The following SUPT6H variants were observed in gnomAD, a reference collection of about 807,000 sequenced individuals.
SUPT6H encodes SPT6 homolog, histone chaperone and transcription elongation factor.
A neutral mutation model predicts 222.3 loss-of-function variants in SUPT6H; 11 were observed. The observed-to-expected ratio is 0.05, with a 90% CI of 0.03 to 0.08. The LOEUF (loss-of-function observed/expected upper bound fraction) is 0.08. SUPT6H is among the 10% of genes least tolerant of loss of function. The pLI, the probability that SUPT6H is intolerant of heterozygous loss-of-function variation, is 1.00. For missense variants in SUPT6H, 1,422 were observed against 2,216.0 expected (o/e 0.64, Z 7.19); for synonymous variants, 762 against 801.2 (o/e 0.95, Z 0.83).
chr17:28,668,086 G>A (rs534116941), intron 1 of SUPT6H, among the ~76,000 whole-genome samples: 10 of 152,250 alleles, frequency 6.6e-5, no homozygotes, highest in Non-Finnish European at 1.3e-4. Context: ...CTCTTCCAGC[G>A]AATGTCATGG....
At chr17:28,681,712 CAAAAAAAA>C (rs541707928) in intron 12 of SUPT6H, among the ~76,000 whole-genome samples, 162 bp from the exon 13 acceptor site, 6 of 89,084 alleles carry the variant, frequency 6.7e-5, no homozygotes, top group Non-Finnish European at 1.2e-4. Flanking sequence ...GGCTGTGTCT[CAAAAAAAA>C]AAAAAAAAAA....
At position 28,674,595 on chromosome 17, in the gene SUPT6H, T is replaced by C. The variant is rs2030624491; in HGVS notation, c.327T>C (p.Gly109=). The change falls in exon 4 of 37, where the codon GGT becomes GGC. Residue 109 remains glycine, a synonymous_variant. Coordinates refer to ENST00000314616, the MANE Select transcript of SUPT6H (RefSeq NM_003170.5). ...DDFDLIEENL[G]VKVKRGQKYR... ...TTGACCTCATTGAGGAGAATTTGGG[T>C]GTCAAAGTCAAAAGAGGAGTAAGTG... 1.2e-6 allele frequency: 2 copies of C among 1,614,068 alleles called. No homozygotes were observed. The highest frequency in any genetic ancestry group is 1.7e-5 in the Admixed American group (1 of 60,006).
In SUPT6H at chr17:28,686,513, T is replaced by TA. The variant is rs2031388192; in HGVS notation, c.2564+98_2564+99insA. 1.2e-5 allele frequency: 19 copies of TA among 1,540,454 alleles called. No homozygotes were observed. In the Admixed American group the frequency reaches 3.3e-4, roughly 27 times the overall value. ...TGCCCATAACAGATGGGGCTTGTGC[T>TA]TGTGCAGGGAGTGTCCCTGGGGATG... On this transcript the variant is annotated intron_variant, in intron 20 of 36. Coordinates refer to ENST00000314616, the MANE Select transcript of SUPT6H (RefSeq NM_003170.5).
chr17:28,684,255 C>CG (rs907034875), intron 17 of SUPT6H, among the ~76,000 whole-genome samples: 2 of 152,090 alleles, frequency 1.3e-5, no homozygotes, highest in African/African-American at 2.4e-5. Context: ...TGGAGAAACA[C>CG]GGGGGGCAGG....
chr17:28,678,855 C>T lies in SUPT6H; in HGVS notation c.1241C>T (p.Thr414Ile), dbSNP rs867152652. ...CTGCGGATCCGTAAAGAGAACCTAA[C>T]ACGGCTGTTTGAGAAGATGCAGGCT... is the stretch of plus-strand genomic sequence containing the variant. ...TQLRIRKENL[T>I]RLFEKMQAYQ... Residue 414 changes from threonine to isoleucine, a missense_variant, in exon 11 of 37, where the codon ACA becomes ATA. By Grantham distance (89) the Thr-to-Ile change is moderately conservative. Transcript: ENST00000314616. 9 of 1,614,240 alleles carry T rather than the reference C, an allele frequency of 5.6e-6. 1 individual carries two copies. In the Middle Eastern group the frequency reaches 1.5e-3, roughly 266 times the overall value.
chr17:28,667,497 A>ATG (rs1203502930), intron 1 of SUPT6H, among the ~76,000 whole-genome samples: 1 of 136,120 alleles, frequency 7.3e-6, no homozygotes, highest in Non-Finnish European at 1.6e-5. Flanking sequence ...ATATATGTAT[A>ATG]TGTGTATATA....
rs750212252 is a variant in SUPT6H at position 28,676,146 on chromosome 17, G to A, written c.624-11G>A. On this transcript the variant is annotated splice_polypyrimidine_tract_variant and intron_variant, in intron 6 of 36. Coordinates refer to ENST00000314616, the MANE Select transcript of SUPT6H (RefSeq NM_003170.5). ...GAACCTGAGCCACCTGCCTCTTGCT[G>A]CCACCTACAGGGCCCTGCAAGAAGC... 6.4e-7 allele frequency: 1 copy of A among 1,561,234 alleles called. No homozygotes were observed. Among genetic ancestry groups the A allele is most frequent in the Non-Finnish European group, 8.6e-7 (1 of 1,156,164 alleles).
chr17:28,663,757 A>G (rs902416704), intron 1 of SUPT6H, among the ~76,000 whole-genome samples: 1 of 148,334 alleles, frequency 6.7e-6, no homozygotes, highest in Admixed American at 6.9e-5. Flanking sequence ...TTCTACCTGT[A>G]CCAACTCAGC....
intron 32 of SUPT6H, among the ~76,000 whole-genome samples, 162 bp downstream of exon 32, chr17:28,698,192 T>C (rs1341364708): frequency 6.6e-6 from 1 of 152,166 alleles, no homozygotes; most frequent in Non-Finnish European, 1.5e-5. Flanking sequence ...AAGAGGGTGA[T>C]GATTTCAAGG....
At chr17:28,685,523 C>T (rs1230643636) in intron 19 of SUPT6H, among the ~76,000 whole-genome samples, 4 of 150,958 alleles carry the variant, frequency 2.6e-5, no homozygotes, top group Non-Finnish European at 4.4e-5. Flanking sequence ...CAGAGTCTTG[C>T]TCCATCTCCA....
At chr17:28,697,764 T>A in intron 31 of SUPT6H, 31 bp downstream of exon 31, 1 of 1,612,172 alleles carries the variant, frequency 6.2e-7, no homozygotes, top group Non-Finnish European at 8.5e-7. Flanking sequence ...GGAATGACAC[T>A]TGCCAATCAC....
chr17:28,701,746 G>C lies in SUPT6H; in HGVS notation c.*121G>C, dbSNP rs2032146044. ...TGGCGTGAAGTGAGACGTTCTCTTT[G>C]GTGGTCAACCCGGATGGGTGACAGG... On this transcript the variant is annotated 3_prime_UTR_variant, in exon 37 of 37. Coordinates refer to ENST00000314616, the MANE Select transcript of SUPT6H (RefSeq NM_003170.5). 9.0e-7 allele frequency: 1 copy of C among 1,109,054 alleles called. No homozygotes were observed. Among genetic ancestry groups the C allele is most frequent in the Non-Finnish European group, 1.3e-6 (1 of 790,034 alleles). 68.7% of individuals were successfully genotyped at this position (1,109,054 alleles called of 1,614,324 possible).
chr17:28,688,644 A>G lies in SUPT6H; in HGVS notation c.3134+426A>G, dbSNP rs997002991. ...GATGATGTTATTAAGAGAAAGTTCT[A>G]TTCACTTGGACTTTGGACTTCACTA... On this transcript the variant is annotated intron_variant, in intron 24 of 36. Transcript: ENST00000314616. The surrounding 1 kb of genome is among the most constrained non-coding windows in gnomAD (Gnocchi z 4.3). 6.5e-6 allele frequency: 1 copy of G among 154,130 alleles called. No homozygotes were observed. Among genetic ancestry groups the G allele is most frequent in the Non-Finnish European group, 1.4e-5 (1 of 69,410 alleles). The allele number at this position is 154,130 out of a possible 1,614,324, so 9.5% of individuals were successfully genotyped here. A position where few individuals can be genotyped will look rare whatever the true frequency, so the allele number is the denominator to read the frequency against.
At chr17:28,677,394 A>C (rs1380891999) in intron 7 of SUPT6H, among the ~76,000 whole-genome samples, 1 of 151,722 alleles carries the variant, frequency 6.6e-6, no homozygotes, top group East Asian at 1.9e-4. Context: ...AAAAAAAAAA[A>C]ATCAGCTGGG....
chr17:28,663,723 T>G (rs1461712186), intron 1 of SUPT6H, among the ~76,000 whole-genome samples: 1 of 151,960 alleles, frequency 6.6e-6, no homozygotes, highest in African/African-American at 2.4e-5. Context: ...ACCATGCCAA[T>G]TTTTTAAATT....
At chr17:28,668,138 G>T (rs1038306277) in intron 1 of SUPT6H, among the ~76,000 whole-genome samples, 2 of 152,148 alleles carry the variant, frequency 1.3e-5, no homozygotes, top group African/African-American at 4.8e-5. Context: ...TTGTTCTGCA[G>T]CTGTGCTTCT....
chr17:28,665,238 C>A (rs1014253030), intron 1 of SUPT6H, among the ~76,000 whole-genome samples: 1 of 152,216 alleles, frequency 6.6e-6, no homozygotes, highest in African/African-American at 2.4e-5. Context: ...TGCCCACTTT[C>A]TCTACTGGAA....
intron 21 of SUPT6H, 102 bp downstream of exon 21, chr17:28,686,891 C>T (rs906487856): frequency 1.3e-6 from 2 of 1,493,434 alleles, no homozygotes; most frequent in Non-Finnish European, 1.8e-6. Context: ...CAGGACTGTA[C>T]CTGTGTACTT....
intron 1 of SUPT6H, among the ~76,000 whole-genome samples, chr17:28,673,128 G>C (rs1006347044): frequency 6.6e-6 from 1 of 150,710 alleles, no homozygotes; most frequent in African/African-American, 2.4e-5. Flanking sequence ...TCCAGCCTGG[G>C]TGAGAGAGTG....
Sources: allele counts gnomAD v4.1 joint callset (sites outside exome capture counted in the v4.1 genomes callset), GRCh38; gene constraint gnomAD v4.1.1; non-coding constraint Gnocchi (gnomAD v3.1); transcripts MANE v1.5; gene names NCBI Gene and HGNC (gene_info 2026-07-23, HGNC 2026-07-21).